KIAA1671: variants seen among roughly 807,000 people sequenced by gnomAD.
KIAA1671 encodes the protein uncharacterized protein KIAA1671.
Under a neutral mutation model 131.2 loss-of-function variants are expected in KIAA1671, and 52 were observed. The observed-to-expected ratio is 0.40, with a 90% confidence interval of 0.32 to 0.50. The LOEUF (loss-of-function observed/expected upper bound fraction) is 0.50. KIAA1671 is among the 20% of genes least tolerant of loss of function. The pLI is 0.73. For missense variants in KIAA1671, 2,360 were observed against 2,364.2 expected, an observed-to-expected ratio of 1.00 and a Z score of 0.04; for synonymous variants, 1,003 against 961.6, an observed-to-expected ratio of 1.04 and a Z score of -0.80.
At chr22:25,105,412 T>G (rs1055327442) in intron 6 of KIAA1671, among the ~76,000 whole-genome samples, 6 of 152,220 alleles carry the variant, frequency 3.9e-5, no homozygotes, top group Non-Finnish European at 8.8e-5. Flanking sequence ...CCCATTTACT[T>G]CCTGGATCTC....
intron 6 of KIAA1671, among the ~76,000 whole-genome samples, chr22:25,082,685 T>C (rs1159416558): frequency 6.6e-6 from 1 of 151,874 alleles, no homozygotes; most frequent in Non-Finnish European, 1.5e-5. Context: ...ATTTAAAAAT[T>C]AGCTGGGCGT....
At chr22:25,157,800 GTT>G (rs11291943) in intron 6 of KIAA1671, among the ~76,000 whole-genome samples, 46 of 147,134 alleles carry the variant, frequency 3.1e-4, no homozygotes, top group African/African-American at 1.1e-3. Flanking sequence ...ACTGCACATA[GTT>G]TTTTTTTTTT....
At chr22:25,154,312 C>G (rs570244331) in intron 6 of KIAA1671, among the ~76,000 whole-genome samples, 1 of 152,350 alleles carries the variant, frequency 6.6e-6, no homozygotes, top group East Asian at 1.9e-4. Flanking sequence ...AGAGAGCTCA[C>G]CAGATTGCTC....
chr22:25,153,419 C>T (rs533218797), intron 6 of KIAA1671, among the ~76,000 whole-genome samples: 3 of 152,314 alleles, frequency 2.0e-5, no homozygotes, highest in South Asian at 2.1e-4. Context: ...TTGCACAGGA[C>T]GGCCCCCACC....
intron 6 of KIAA1671, among the ~76,000 whole-genome samples, chr22:25,166,113 G>A (rs1446163538): frequency 2.0e-5 from 3 of 152,226 alleles, no homozygotes; most frequent in African/African-American, 7.2e-5. Context: ...AGGTCCCTCG[G>A]AAGCTGCCGC....
intron 1 of KIAA1671, among the ~76,000 whole-genome samples, chr22:24,991,241 A>G (rs1387077540): frequency 2.6e-5 from 4 of 151,106 alleles, no homozygotes; most frequent in Non-Finnish European, 1.5e-5. Context: ...CAGGCTGGTC[A>G]CGAACTCCTG....
intron 6 of KIAA1671, among the ~76,000 whole-genome samples, chr22:25,093,321 C>T (rs1930113149): frequency 6.6e-6 from 1 of 152,128 alleles, no homozygotes; most frequent in Non-Finnish European, 1.5e-5. Context: ...GATTTCTCAT[C>T]TTTCAAGAGG....
At chr22:25,123,340 G>A (rs966232190) in intron 6 of KIAA1671, among the ~76,000 whole-genome samples, 6 of 151,916 alleles carry the variant, frequency 3.9e-5, no homozygotes, top group African/African-American at 1.2e-4. Context: ...TTACAGGTAC[G>A]TGCCAACACA....
Position 25,032,632 on chromosome 22 carries a change from A to G in KIAA1671, c.1565A>G (p.Asn522Ser), listed in dbSNP as rs1354457095. The G allele has an allele frequency of 1.3e-6, 2 of 1,546,502 alleles. No individual in the cohort carries two copies. The highest frequency in any genetic ancestry group is 2.0e-5 in the Admixed American group (1 of 50,928). ...TKLFSSSASSNEVKYEKSAEL... is the reference protein window; with the variant it reads ...TKLFSSSASSSEVKYEKSAEL... The stretch of plus-strand genomic sequence containing the variant: ...AGGTTTTCAAGTTCAGCTTCCAGCA[A>G]CGAAGTCAAATATGAGAAGAGTGCT... The change falls in exon 4 of 13, where the codon AAC (asparagine) becomes AGC (serine). Residue 522 changes from asparagine (N) to serine (S), a missense_variant. Asn to Ser is a conservative substitution (Grantham distance 46). This residue lies in a region of KIAA1671 where 1,185 missense variants were observed against 1,126.2 expected (regional missense o/e 1.05). Coordinates refer to ENST00000358431, the MANE Select transcript of KIAA1671 (RefSeq NM_001145206.2).
At chr22:25,178,887 A>G (rs1934148095) in intron 9 of KIAA1671, among the ~76,000 whole-genome samples, 2 of 152,112 alleles carry the variant, frequency 1.3e-5, no homozygotes, top group Admixed American at 1.3e-4. Context: ...TTCCTCCTGG[A>G]AAGACAGCAG....
intron 6 of KIAA1671, among the ~76,000 whole-genome samples, chr22:25,085,539 G>A (rs1929663058): frequency 7.0e-6 from 1 of 142,160 alleles, no homozygotes; most frequent in South Asian, 2.3e-4. Flanking sequence ...TCCGTCCTGC[G>A]GCTCTGTAGG....
chr22:25,133,987 A>T (rs1198330340), intron 6 of KIAA1671, among the ~76,000 whole-genome samples: 1 of 152,228 alleles, frequency 6.6e-6, no homozygotes, highest in African/African-American at 2.4e-5. Flanking sequence ...GGAACTTTCC[A>T]TCTGGTACAG....
intron 11 of KIAA1671, among the ~76,000 whole-genome samples, chr22:25,189,126 C>CTTTTTTTTTTTTTTTTTTTTTTTTTTTTT (rs200226589): frequency 9.1e-4 from 105 of 114,820 alleles, no homozygotes; most frequent in African/African-American, 1.4e-3. Context: ...CAGTCTTTTT[C>CTTTTTTTTTTTTTTTTTTTTTTTTTTTTT]TTTTTTTTTT....
intron 1 of KIAA1671, chr22:25,012,913 C>G (rs1007444482): frequency 1.2e-4 from 18 of 152,256 alleles, no homozygotes; most frequent in Admixed American, 6.5e-4. Context: ...CTCCTAAAGT[C>G]GTCTTGTGTC....
chr22:25,044,938 A>G (rs1464945381), intron 5 of KIAA1671, among the ~76,000 whole-genome samples: 1 of 152,124 alleles, frequency 6.6e-6, no homozygotes, highest in Non-Finnish European at 1.5e-5. Context: ...AGGCGGGTGG[A>G]TCACGAGGTC....
At chr22:25,060,418 T>A (rs1209139989) in intron 6 of KIAA1671, 1 of 152,280 alleles carries the variant, frequency 6.6e-6, no homozygotes, top group Admixed American at 6.5e-5. Flanking sequence ...CCTGACCTCA[T>A]GTGATGGTCC....
rs192871576 is a variant in KIAA1671, at chr22:25,006,422, T to C, written c.-207-19211T>C. 1.7e-3 allele frequency among the ~76,000 whole-genome samples: 264 copies of C among 152,282 alleles called. 1 individual carries two copies. Among genetic ancestry groups the C allele is most frequent in the African/African-American group, 6.0e-3 (251 of 41,556 alleles). On this transcript the variant is annotated intron_variant, in intron 1 of 12. Transcript: ENST00000358431. ...ACCTACCTCCCAGGATTTGATGCTG[T>C]GAAATGCTTAACAATTGGGAATGGG...
chr22:25,108,605 G>A (rs866969855), intron 6 of KIAA1671, among the ~76,000 whole-genome samples: 3 of 152,110 alleles, frequency 2.0e-5, no homozygotes, highest in African/African-American at 4.8e-5. Flanking sequence ...CTAGCCCTGT[G>A]TATGTTTCCT....
At position 25,185,108 on chromosome 22, in the gene KIAA1671, C is replaced by G; in HGVS notation, c.5331C>G (p.Asp1777Glu). 1 of 1,550,660 alleles carries G rather than the reference C, an allele frequency of 6.4e-7. No homozygotes were observed. The stretch of plus-strand genomic sequence containing the variant: ...GTCGCGTGCTGCCTTCCAGCATGGA[C>G]AAGGATGAGAGGTGAGGGGTCTTGG... ...LGSRVLPSSMDKDERSDEPSP... is the reference protein window; with the variant it reads ...LGSRVLPSSMEKDERSDEPSP... Residue 1777 changes from aspartate to glutamate, a missense_variant, in exon 11 of 13, where the codon GAC becomes GAG. Coordinates refer to ENST00000358431, the MANE Select transcript of KIAA1671 (RefSeq NM_001145206.2).
Sources: gnomAD v4.1 joint callset for allele counts (sites outside exome capture counted in the v4.1 genomes callset) on GRCh38, gnomAD v4.1.1 for gene constraint, gnomAD v4.1.1 regional missense constraint, MANE v1.5 for transcripts, NCBI Gene and HGNC (gene_info 2026-07-23, HGNC 2026-07-21) for gene names.